The following SERPINB8 variants were observed in gnomAD, a reference collection of about 807,000 sequenced individuals.
SERPINB8 encodes the protein serpin B8.
SERPINB8 carries 25 observed loss-of-function variants against 35.3 expected under a neutral mutation model. That is an observed-to-expected ratio of 0.71 (90% CI 0.52 to 0.99). SERPINB8 has a LOEUF of 0.99. Ranked by LOEUF, SERPINB8 falls within the 50% of genes least tolerant of loss-of-function variation. The pLI, the probability that SERPINB8 is intolerant of heterozygous loss-of-function variation, is 0.00. For missense variants in SERPINB8, 484 were observed against 446.5 expected (o/e 1.08, Z -0.76); for synonymous variants, 186 against 160.8 (o/e 1.16, Z -1.19).
downstream of SERPINB8, among the ~76,000 whole-genome samples, chr18:64,008,698 T>C (rs2050911894): frequency 6.6e-6 from 1 of 152,162 alleles, no homozygotes; most frequent in Admixed American, 6.5e-5. Flanking sequence ...AATTCTCTAT[T>C]ATTCAAATAT....
chr18:64,013,424 C>A lies in SERPINB8; in HGVS notation c.*3-5486C>A, dbSNP rs72945667. Reference sequence around the variant, plus strand: ...AATACCCTCCTATCTCTCCAATTTTCTTTGGTATGTTTCCTTTTCCATTCT... The same window carrying A: ...AATACCCTCCTATCTCTCCAATTTTATTTGGTATGTTTCCTTTTCCATTCT... On this transcript the variant is annotated intron_variant, in intron 7 of 7. Coordinates refer to the SERPINB8 transcript ENST00000636430. Among the ~76,000 whole-genome samples the A allele has an allele frequency of 3.5e-4, 54 of 152,284 alleles. No homozygotes were observed. In the East Asian group the frequency reaches 9.3e-3, roughly 26 times the overall value.
intron 1 of SERPINB8, among the ~76,000 whole-genome samples, chr18:63,996,935 G>T (rs1339163619): frequency 6.6e-6 from 1 of 152,218 alleles, no homozygotes. Flanking sequence ...GAGGTTACTA[G>T]AAAAGGCTGC....
intron 1 of SERPINB8, 150 bp downstream of exon 1, chr18:63,970,320 G>A (rs2050445546): frequency 5.7e-6 from 1 of 174,210 alleles, no homozygotes; most frequent in African/African-American, 2.4e-5. Flanking sequence ...CAGGAACTAG[G>A]AGAATGACGG....
rs568251445 is a variant in SERPINB8, at chr18:64,011,931, C to T, written c.*3-6979C>T. The stretch of plus-strand genomic sequence containing the variant: ...AAACTTGCAGAAATGGTTTCAGAAG[C>T]TTGGAAGAAAATCTGAGTTAATAGT... On this transcript the variant is annotated intron_variant, in intron 7 of 7. Transcript: ENST00000636430. 2.0e-3 allele frequency among the ~76,000 whole-genome samples: 297 copies of T among 152,116 alleles called. 1 individual carries two copies. The highest frequency in any genetic ancestry group is 3.3e-3 in the Non-Finnish European group (225 of 67,976).
rs2050803353 is a variant in SERPINB8 at position 63,989,099 on chromosome 18, T to C, written c.*1821T>C. The C allele has an allele frequency of 6.6e-6, 1 of 152,252 alleles. No homozygotes were observed. 9.4% of individuals were successfully genotyped at this position (152,252 alleles called of 1,614,324 possible). On this transcript the variant is annotated 3_prime_UTR_variant, in exon 7 of 7. Transcript: ENST00000397985. Reference sequence around the variant, plus strand: ...ACTACCAATCTTCTTTCTGTCACTATAGATTAATTTGCATTTTTAAAGAAA... The same window carrying C: ...ACTACCAATCTTCTTTCTGTCACTACAGATTAATTTGCATTTTTAAAGAAA...
downstream of SERPINB8, among the ~76,000 whole-genome samples, chr18:63,993,661 A>G (rs1448223615): frequency 1.1e-4 from 16 of 152,210 alleles, no homozygotes; most frequent in Admixed American, 1.0e-3. Context: ...TGACATGTCC[A>G]ACTATAATTG....
intron 1 of SERPINB8, among the ~76,000 whole-genome samples, chr18:63,995,491 C>G (rs1207957670): frequency 6.6e-6 from 1 of 152,188 alleles, no homozygotes; most frequent in Non-Finnish European, 1.5e-5. Context: ...GGGAAGGGAC[C>G]TTTGGGCCCC....
At chr18:63,972,814 T>A (rs957971136) in intron 1 of SERPINB8, among the ~76,000 whole-genome samples, 2 of 152,188 alleles carry the variant, frequency 1.3e-5, no homozygotes, top group East Asian at 3.9e-4. Context: ...ACAAAGGACA[T>A]GAACTCATCG....
chr18:63,980,066 T>C, intron 3 of SERPINB8, 128 bp downstream of exon 3: 3 of 897,944 alleles, frequency 3.3e-6, no homozygotes, highest in East Asian at 5.2e-5. Context: ...ATTACAATTT[T>C]AGATTTTATG....
Position 63,983,617 on chromosome 18 carries a change from C to T in SERPINB8, c.463C>T (p.Pro155Ser), listed in dbSNP as rs768672746. ...SEVLDAGTVD[P>S]LTKLVLVNAI... ...GGTACTGGATGCTGGGACAGTCGAT[C>T]CCCTGACAAAGCTGGTCCTTGTGAA... Residue 155 changes from proline (P) to serine (S), a missense_variant, in exon 5 of 7, where the codon CCC becomes TCC. By Grantham distance (74) the Pro-to-Ser change is moderately conservative (BLOSUM62 -1). Coordinates refer to ENST00000397985, the MANE Select transcript of SERPINB8 (RefSeq NM_002640.4). 6.2e-7 allele frequency: 1 copy of T among 1,613,844 alleles called. No homozygotes were observed. Among genetic ancestry groups the T allele is most frequent in the Non-Finnish European group, 8.5e-7 (1 of 1,179,768 alleles).
At position 63,988,885 on chromosome 18, in the gene SERPINB8, A is replaced by T. The variant is rs1427970204; in HGVS notation, c.*1607A>T. 6.6e-6 allele frequency: 1 copy of T among 152,234 alleles called. No homozygotes were observed. The highest frequency in any genetic ancestry group is 6.5e-5 in the Admixed American group (1 of 15,282). 9.4% of individuals were successfully genotyped at this position (152,234 alleles called of 1,614,324 possible). The stretch of plus-strand genomic sequence containing the variant: ...TAATTTGAAGAACACTTTAATTGAC[A>T]CAGAATACATTTCACATATTTAACC... On this transcript the variant is annotated 3_prime_UTR_variant, in exon 7 of 7. Coordinates refer to ENST00000397985, the MANE Select transcript of SERPINB8 (RefSeq NM_002640.4).
At chr18:63,976,600 G>A (rs145782640) in intron 1 of SERPINB8, among the ~76,000 whole-genome samples, 2 of 152,268 alleles carry the variant, frequency 1.3e-5, no homozygotes, top group African/African-American at 4.8e-5. Context: ...ACAATGACAA[G>A]TTCTCTAAAT....
chr18:63,990,705 C>T (rs2050821179), downstream of SERPINB8, among the ~76,000 whole-genome samples: 1 of 142,420 alleles, frequency 7.0e-6, no homozygotes, highest in Admixed American at 7.0e-5. Flanking sequence ...TGTGATGTTC[C>T]CCTTCCTGTG....
rs2050617063 is a variant in SERPINB8, at chr18:63,978,397, T to A, written c.89T>A (p.Phe30Tyr). The change falls in exon 2 of 7, where the codon TTC becomes TAC. Residue 30 changes from phenylalanine (F) to tyrosine (Y), a missense_variant. Physicochemically the swap from Phe to Tyr is conservative, Grantham distance 22. Transcript: ENST00000397985. ...GEEDNSRNVFFSPMSISSALA... is the reference protein window; with the variant it reads ...GEEDNSRNVFYSPMSISSALA... The stretch of plus-strand genomic sequence containing the variant: ...GAGGACAACTCAAGAAACGTATTCT[T>A]CTCTCCCATGAGCATCTCCTCTGCC... 2 of 1,614,170 alleles carry A rather than the reference T, an allele frequency of 1.2e-6. No homozygotes were observed. The highest frequency in any genetic ancestry group is 1.7e-6 in the Non-Finnish European group (2 of 1,180,028).
chr18:64,008,853 G>A (rs1462932741), downstream of SERPINB8, among the ~76,000 whole-genome samples: 1 of 152,104 alleles, frequency 6.6e-6, no homozygotes, highest in African/African-American at 2.4e-5. Flanking sequence ...GCTAGAGCTC[G>A]TAGAAGGGTG....
chr18:64,002,437 A>T (rs1348208231), intron 1 of SERPINB8, among the ~76,000 whole-genome samples: 1 of 152,182 alleles, frequency 6.6e-6, no homozygotes, highest in African/African-American at 2.4e-5. Flanking sequence ...AGAAAAGCCC[A>T]GGGTCCCAAC....
rs373624835 is a variant in SERPINB8 at position 63,987,020 on chromosome 18, C to T, written c.867C>T (p.Ile289=). ...CTTTCCTTCGAAGATTAGGAATGAT[C>T]GATGCTTTTGACGAAGCCAAGGCAG... is the stretch of plus-strand genomic sequence containing the variant. ...LEPFLRRLGM[I]DAFDEAKADF... is the part of the protein sequence containing the mutation. The change falls in exon 7 of 7, where the codon ATC becomes ATT. Residue 289 remains isoleucine, a synonymous_variant. Transcript: ENST00000397985. 90 of 1,614,040 alleles carry T rather than the reference C, an allele frequency of 5.6e-5. No homozygotes were observed. The highest frequency in any genetic ancestry group is 6.8e-5 in the Non-Finnish European group (80 of 1,180,042).
rs189577472 is a variant in SERPINB8 at position 63,978,843 on chromosome 18, T to C, written c.168+367T>C. 1.1e-3 allele frequency among the ~76,000 whole-genome samples: 162 copies of C among 149,848 alleles called. 1 individual carries two copies. The highest frequency in any genetic ancestry group is 3.7e-3 in the African/African-American group (147 of 39,612). On this transcript the variant is annotated intron_variant, in intron 2 of 6. Coordinates refer to ENST00000397985, the MANE Select transcript of SERPINB8 (RefSeq NM_002640.4). Reference sequence around the variant, plus strand: ...GCTAACATTATATTTTTAATAGACATGTGGGTGCGTAGATTAACTTTTTGT... The same window carrying C: ...GCTAACATTATATTTTTAATAGACACGTGGGTGCGTAGATTAACTTTTTGT...
In SERPINB8 at chr18:63,978,420, G is replaced by T; in HGVS notation, c.112G>T (p.Ala38Ser). Reference sequence around the variant, plus strand: ...CTTCTCTCCCATGAGCATCTCCTCTGCCCTGGCCATGGTCTTCATGGGGGC... The same window carrying T: ...CTTCTCTCCCATGAGCATCTCCTCTTCCCTGGCCATGGTCTTCATGGGGGC... ...VFFSPMSISSALAMVFMGAKG... is the reference protein window; with the variant it reads ...VFFSPMSISSSLAMVFMGAKG... The change falls in exon 2 of 7, where the codon GCC becomes TCC. Residue 38 changes from alanine to serine, a missense_variant. Ala to Ser is a moderately conservative substitution (Grantham distance 99). Transcript: ENST00000397985. The T allele has an allele frequency of 1.9e-6, 3 of 1,614,190 alleles. No individual in the cohort carries two copies. The highest frequency in any genetic ancestry group is 2.5e-6 in the Non-Finnish European group (3 of 1,180,042).
Sources: gnomAD v4.1 joint callset for allele counts (sites outside exome capture counted in the v4.1 genomes callset) on GRCh38, gnomAD v4.1.1 for gene constraint, MANE v1.5 for transcripts, NCBI Gene and HGNC (gene_info 2026-07-23, HGNC 2026-07-21) for gene names.